The following PSD3 variants were observed in gnomAD, a reference collection of about 807,000 sequenced individuals.
PSD3 encodes the protein PH and SEC7 domain-containing protein 3.
PSD3 carries 49 observed loss-of-function variants against 105.5 expected under a neutral mutation model. The observed-to-expected ratio is 0.46, with a 90% CI of 0.37 to 0.59. PSD3 has a LOEUF of 0.59. Among genes scored for constraint, PSD3 ranks in the 20% least tolerant of loss-of-function variants. The pLI is 0.00. For synonymous variants in PSD3, 557 were observed against 457.8 expected, an observed-to-expected ratio of 1.22 and a Z score of -2.77; for missense variants, 1,561 against 1,263.8, an observed-to-expected ratio of 1.24 and a Z score of -3.57.
intron 2 of PSD3, among the ~76,000 whole-genome samples, chr8:18,900,641 CTCT>C (rs1819444140): frequency 1.5e-5 from 2 of 133,752 alleles, no homozygotes; most frequent in East Asian, 2.3e-4. Flanking sequence ...TGAGAGACAA[CTCT>C]TTTTTTTTTT....
At chr8:18,849,071 C>T (rs897796012) in intron 4 of PSD3, among the ~76,000 whole-genome samples, 2 of 152,188 alleles carry the variant, frequency 1.3e-5, no homozygotes, top group African/African-American at 4.8e-5. Flanking sequence ...CACCTGTTGG[C>T]CATATCGCTG....
At chr8:18,733,301 A>G (rs1418771071) in intron 9 of PSD3, 1 of 152,228 alleles carries the variant, frequency 6.6e-6, no homozygotes, top group Admixed American at 6.5e-5. Flanking sequence ...TATAAGTTCA[A>G]TGTTTCTAGC....
At chr8:18,697,973 T>C (rs1801355219) in intron 9 of PSD3, among the ~76,000 whole-genome samples, 1 of 152,224 alleles carries the variant, frequency 6.6e-6, no homozygotes, top group South Asian at 2.1e-4. Context: ...AACTCTCAGA[T>C]CACAAGATTT....
At position 18,625,315 on chromosome 8, in the gene PSD3, CT is replaced by C. The variant is rs200987777; in HGVS notation, c.2410+7297del. The stretch of plus-strand genomic sequence containing the variant: ...TTTTTATAAACACTGGAGACTGCTG[CT>C]TCTGGGTTCTCTTTTCCAACCCATC... On this transcript the variant is annotated intron_variant, in intron 11 of 15. Transcript: ENST00000327040. Among the ~76,000 whole-genome samples the C allele has an allele frequency of 6.4e-3, 969 of 152,150 alleles. 9 individuals carry two copies. Among genetic ancestry groups the C allele is most frequent in the African/African-American group, 0.022 (916 of 41,524 alleles).
intron 1 of PSD3, among the ~76,000 whole-genome samples, chr8:19,006,769 C>T (rs1166464565): frequency 6.6e-6 from 1 of 152,062 alleles, no homozygotes; most frequent in Non-Finnish European, 1.5e-5. Flanking sequence ...AATACAGATG[C>T]TATTCAGACA....
chr8:18,831,182 G>GCCT (rs778295695), intron 4 of PSD3, among the ~76,000 whole-genome samples: 1 of 150,676 alleles, frequency 6.6e-6, no homozygotes, highest in Non-Finnish European at 1.5e-5. Context: ...GAAGCTAAAC[G>GCCT]CCTGCATGAC....
chr8:18,642,254 T>G (rs1807703591), intron 10 of PSD3, among the ~76,000 whole-genome samples: 1 of 152,272 alleles, frequency 6.6e-6, no homozygotes, highest in African/African-American at 2.4e-5. Flanking sequence ...CCAAAAGATC[T>G]ATTGGAAAAT....
chr8:18,810,702 TTA>T (rs759207571), intron 4 of PSD3, among the ~76,000 whole-genome samples: 4 of 152,162 alleles, frequency 2.6e-5, no homozygotes, highest in Non-Finnish European at 5.9e-5. Context: ...GAGTTGAATT[TTA>T]TACATAACTT....
chr8:18,540,439 C>T (rs979072504), intron 15 of PSD3, among the ~76,000 whole-genome samples: 1 of 152,224 alleles, frequency 6.6e-6, no homozygotes, highest in African/African-American at 2.4e-5. Flanking sequence ...AAATGATTAG[C>T]ACTCTAGTAC....
intron 4 of PSD3, among the ~76,000 whole-genome samples, chr8:18,842,045 A>G (rs1310763524): frequency 6.6e-6 from 1 of 152,150 alleles, no homozygotes; most frequent in East Asian, 1.9e-4. Context: ...AAGGCCAAAA[A>G]CCCAGTAAGA....
chr8:18,877,567 G>C (rs1023798834), intron 2 of PSD3, among the ~76,000 whole-genome samples: 2 of 145,770 alleles, frequency 1.4e-5, no homozygotes, highest in African/African-American at 5.2e-5. Context: ...TTTTTGACAG[G>C]ATCTCACTCT....
intron 9 of PSD3, among the ~76,000 whole-genome samples, chr8:18,665,556 T>C (rs1054245728): frequency 3.3e-5 from 5 of 152,190 alleles, no homozygotes; most frequent in Admixed American, 6.5e-5. Flanking sequence ...CAAAAAAGGA[T>C]TTAGAATATG....
intron 1 of PSD3, among the ~76,000 whole-genome samples, chr8:19,034,400 A>C (rs1827876756): frequency 6.6e-6 from 1 of 152,182 alleles, no homozygotes; most frequent in Non-Finnish European, 1.5e-5. Context: ...CCTCACCCTC[A>C]AAGCAGGAAA....
At chr8:18,853,951 T>G (rs1815793900) in intron 4 of PSD3, 1 of 152,188 alleles carries the variant, frequency 6.6e-6, no homozygotes, top group Admixed American at 6.5e-5. Flanking sequence ...TATGATCATT[T>G]TCCTAAGTCT....
intron 11 of PSD3, among the ~76,000 whole-genome samples, chr8:18,618,621 TAC>T: frequency 2.0e-5 from 3 of 152,098 alleles, no homozygotes; most frequent in Non-Finnish European, 4.4e-5. Flanking sequence ...CCAGGCAGTG[TAC>T]TACACACCAT....
chr8:18,590,015 T>G (rs948162111), intron 12 of PSD3, among the ~76,000 whole-genome samples: 2 of 151,608 alleles, frequency 1.3e-5, no homozygotes, highest in Non-Finnish European at 2.9e-5. Context: ...AAAAATAAAC[T>G]TTTGTAAAAA....
chr8:18,662,643 G>A (rs567170937), intron 9 of PSD3, among the ~76,000 whole-genome samples: 11 of 152,246 alleles, frequency 7.2e-5, no homozygotes, highest in Non-Finnish European at 1.5e-4. Flanking sequence ...GGAGAGGGCT[G>A]CATAAAGTTA....
At chr8:18,539,001 T>C (rs941913917) in intron 15 of PSD3, among the ~76,000 whole-genome samples, 1 of 152,164 alleles carries the variant, frequency 6.6e-6, no homozygotes, top group Middle Eastern at 3.2e-3. Flanking sequence ...CCGTGCCCCA[T>C]TTCTGACTTA....
intron 1 of PSD3, among the ~76,000 whole-genome samples, chr8:18,962,038 G>C (rs74975558): frequency 0.12 from 17,725 of 152,150 alleles, 1,305 homozygotes; most frequent in Non-Finnish European, 0.17. Flanking sequence ...TTGAGGTCAG[G>C]TGTTTGTGAC....
Sources: allele counts gnomAD v4.1 joint callset (sites outside exome capture counted in the v4.1 genomes callset), GRCh38; gene constraint gnomAD v4.1.1; transcripts MANE v1.5; gene names NCBI Gene and HGNC (gene_info 2026-07-23, HGNC 2026-07-21).